Variants in NKAIN3 observed in about 807,000 individuals in gnomAD.
The protein encoded by NKAIN3 is sodium/potassium-transporting ATPase subunit beta-1-interacting protein 3.
Under a neutral mutation model 30.2 loss-of-function variants are expected in NKAIN3, and 25 were observed. The ratio of observed to expected loss-of-function variants is 0.83; its 90% confidence interval spans 0.60 to 1.16. The LOEUF is 1.16. Ranked by LOEUF, NKAIN3 falls within the 50% of genes most tolerant of loss-of-function variation. NKAIN3 has a pLI of 0.00. For missense variants in NKAIN3, 225 were observed against 254.1 expected, an observed-to-expected ratio of 0.89 and a Z score of 0.78; for synonymous variants, 91 against 89.6, an observed-to-expected ratio of 1.02 and a Z score of -0.09.
At chr8:62,919,226 A>ATTTTTTTTTT (rs1415475110) in intron 5 of NKAIN3, among the ~76,000 whole-genome samples, 16 of 88,430 alleles carry the variant, frequency 1.8e-4, no homozygotes, top group African/African-American at 4.9e-4. Flanking sequence ...TTACTTTCAA[A>ATTTTTTTTTT]ATTTTTTTTT....
At chr8:62,345,487 A>G (rs1815940570) in intron 1 of NKAIN3, among the ~76,000 whole-genome samples, 1 of 14,594 alleles carries the variant, frequency 6.9e-5, no homozygotes, top group Non-Finnish European at 1.9e-4. Flanking sequence ...ATATATGTAT[A>G]TATACACACA....
chr8:62,868,842 G>A (rs1393931952), intron 4 of NKAIN3, among the ~76,000 whole-genome samples: 3 of 152,108 alleles, frequency 2.0e-5, no homozygotes, highest in Non-Finnish European at 2.9e-5. Flanking sequence ...ATAATCTGCC[G>A]ATAGACTGCA....
At chr8:62,360,788 A>G (rs372405090) in intron 1 of NKAIN3, among the ~76,000 whole-genome samples, 2 of 152,124 alleles carry the variant, frequency 1.3e-5, no homozygotes, top group African/African-American at 4.8e-5. Context: ...AACTTGCTTT[A>G]TGAATCTGGG....
At chr8:62,849,262 T>C (rs1447714885) in intron 4 of NKAIN3, among the ~76,000 whole-genome samples, 1 of 150,940 alleles carries the variant, frequency 6.6e-6, no homozygotes, top group Admixed American at 6.6e-5. Context: ...GTACCTCTGC[T>C]AGAATTCAGA....
chr8:62,319,543 G>C (rs573052716), intron 1 of NKAIN3, among the ~76,000 whole-genome samples: 1 of 151,930 alleles, frequency 6.6e-6, no homozygotes, highest in Non-Finnish European at 1.5e-5. Context: ...CTTTGTTCTC[G>C]TTGGTTTCAA....
chr8:62,478,883 G>T (rs540750700), intron 1 of NKAIN3, among the ~76,000 whole-genome samples: 2 of 152,286 alleles, frequency 1.3e-5, no homozygotes, highest in South Asian at 4.1e-4. Context: ...AAGGTAGTGT[G>T]CTGGGTATGA....
intron 4 of NKAIN3, among the ~76,000 whole-genome samples, chr8:62,870,424 A>G (rs1335631306): frequency 7.3e-5 from 10 of 136,788 alleles, no homozygotes; most frequent in Non-Finnish European, 1.5e-4. Flanking sequence ...ATATATGTAC[A>G]TATATACAAT....
chr8:62,735,374 C>CTT (rs1471995692), intron 3 of NKAIN3, among the ~76,000 whole-genome samples: 107 of 9,844 alleles, frequency 0.011, 1 homozygote, highest in Non-Finnish European at 0.06. Context: ...TTCTTTCTTT[C>CTT]TTTCTTTTTT....
At chr8:62,954,870 G>A (rs761382181) in intron 6 of NKAIN3, among the ~76,000 whole-genome samples, 59 of 152,176 alleles carry the variant, frequency 3.9e-4, no homozygotes, top group Non-Finnish European at 6.3e-4. Flanking sequence ...TTGTGGAGCT[G>A]AGATCTTTCC....
In NKAIN3 at chr8:62,973,999, C is replaced by A. The variant is rs769687263; in HGVS notation, c.*8592C>A. 4.6e-5 allele frequency among the ~76,000 whole-genome samples: 7 copies of A among 151,946 alleles called. No individual in the cohort carries two copies. Among genetic ancestry groups the A allele is most frequent in the Non-Finnish European group, 1.0e-4 (7 of 67,962 alleles). On this transcript the variant is annotated 3_prime_UTR_variant, in exon 7 of 7. Coordinates refer to ENST00000623646, the MANE Select transcript of NKAIN3 (RefSeq NM_001304533.3). The stretch of plus-strand genomic sequence containing the variant: ...TAGATGTGTGGTGTTATTTCTGAGG[C>A]CTCTGTTCTGTTGCATTGGTCTATA...
intron 1 of NKAIN3, among the ~76,000 whole-genome samples, chr8:62,389,786 C>T (rs896310315): frequency 1.3e-5 from 2 of 152,082 alleles, no homozygotes; most frequent in Non-Finnish European, 2.9e-5. Context: ...ATTAAGTGTC[C>T]AGGCCTTGTG....
intron 4 of NKAIN3, among the ~76,000 whole-genome samples, chr8:62,906,412 C>T (rs2130844156): frequency 6.6e-6 from 1 of 152,306 alleles, no homozygotes; most frequent in South Asian, 2.1e-4. Flanking sequence ...CAGTCTCTGT[C>T]TGCCTCCCAT....
intron 1 of NKAIN3, among the ~76,000 whole-genome samples, chr8:62,552,464 C>T (rs959223276): frequency 2.0e-5 from 3 of 152,200 alleles, no homozygotes; most frequent in Admixed American, 1.3e-4. Context: ...AATCTATTCA[C>T]ATCTCCTGTT....
intron 4 of NKAIN3, among the ~76,000 whole-genome samples, chr8:62,892,815 G>A (rs1216940820): frequency 6.6e-6 from 1 of 152,080 alleles, no homozygotes; most frequent in Non-Finnish European, 1.5e-5. Context: ...CTGAGAATCT[G>A]TCATTAATTT....
intron 4 of NKAIN3, among the ~76,000 whole-genome samples, chr8:62,823,175 T>G (rs992376006): frequency 6.6e-6 from 1 of 152,178 alleles, no homozygotes; most frequent in African/African-American, 2.4e-5. Context: ...ACACTTAGGC[T>G]ACACAACTAT....
At chr8:62,304,059 TG>T (rs1279778453) in intron 1 of NKAIN3, among the ~76,000 whole-genome samples, 1 of 150,484 alleles carries the variant, frequency 6.6e-6, no homozygotes, top group Non-Finnish European at 1.5e-5. Context: ...GGGGTAAACC[TG>T]TTTTTATATT....
chr8:62,287,673 T>G (rs1020535546), intron 1 of NKAIN3, among the ~76,000 whole-genome samples: 3 of 151,998 alleles, frequency 2.0e-5, no homozygotes, highest in Non-Finnish European at 4.4e-5. Context: ...CTCTTAGGAG[T>G]TTTTTTATGT....
chr8:62,914,848 A>T (rs1044216628), intron 4 of NKAIN3, among the ~76,000 whole-genome samples: 4 of 138,586 alleles, frequency 2.9e-5, no homozygotes, highest in South Asian at 4.4e-4. Context: ...CAGGTTTCTT[A>T]CATAGGTATG....
At chr8:62,319,715 G>T (rs571765548) in intron 1 of NKAIN3, among the ~76,000 whole-genome samples, 3 of 152,112 alleles carry the variant, frequency 2.0e-5, no homozygotes, top group African/African-American at 7.2e-5. Context: ...TATAATTTCT[G>T]TTCTTTCACA....
Sources: allele counts gnomAD v4.1 joint callset (sites outside exome capture counted in the v4.1 genomes callset), GRCh38; gene constraint gnomAD v4.1.1; transcripts MANE v1.5; gene names NCBI Gene and HGNC (gene_info 2026-07-23, HGNC 2026-07-21).